Variants in SSH2 observed in about 807,000 individuals in gnomAD.
The protein encoded by SSH2 is protein phosphatase Slingshot homolog 2.
A neutral mutation model predicts 135.2 loss-of-function variants in SSH2; 37 were observed. The observed-to-expected ratio is 0.27, with a 90% CI of 0.21 to 0.36. The LOEUF (loss-of-function observed/expected upper bound fraction) is 0.36. SSH2 is among the 10% of genes least tolerant of loss of function. The probability of loss-of-function intolerance (pLI) is 1.00; values close to 1 mark genes in which losing one functional copy is unlikely to be tolerated. For missense variants in SSH2, 1,408 were observed against 1,765.3 expected (o/e 0.80, Z 3.63); for synonymous variants, 628 against 646.2 (o/e 0.97, Z 0.43).
intron 11 of SSH2, among the ~76,000 whole-genome samples, chr17:29,661,846 T>C (rs2037057449): frequency 6.6e-6 from 1 of 152,148 alleles, no homozygotes; most frequent in African/African-American, 2.4e-5. Context: ...CATTGGCAAA[T>C]AAATTAAAGG....
intron 5 of SSH2, among the ~76,000 whole-genome samples, chr17:29,688,412 A>G (rs1430842226): frequency 6.6e-6 from 1 of 152,178 alleles, no homozygotes; most frequent in Admixed American, 6.5e-5. Context: ...CCTAATGAGA[A>G]GGGCCCCAGA....
intron 1 of SSH2, among the ~76,000 whole-genome samples, chr17:29,892,596 T>C (rs1180208896): frequency 6.6e-6 from 1 of 152,146 alleles, no homozygotes; most frequent in Admixed American, 6.6e-5. Flanking sequence ...CTCATTAACA[T>C]TGTCTCGACC....
At position 29,636,410 on chromosome 17, in the gene SSH2, C is replaced by A; in HGVS notation, c.1820G>T (p.Gly607Val). 1 of 1,614,144 alleles carries A rather than the reference C, an allele frequency of 6.2e-7. No homozygotes were observed. Among genetic ancestry groups the A allele is most frequent in the Non-Finnish European group, 8.5e-7 (1 of 1,180,036 alleles). Residue 607 changes from glycine to valine, a missense_variant, in exon 15 of 16, where the codon GGA becomes GTA. This residue lies in a region of SSH2 where 1,080 missense variants were observed against 1,144.5 expected (regional missense o/e 0.94). Transcript: ENST00000540801. ...CTTGTTGGCCATTTCTGGGACATGT[C>A]CAGGCTGAATTAAGGCTTTGGATGC... ...CHASKALIQP[G>V]HVPEMANKFP...
intron 3 of SSH2, among the ~76,000 whole-genome samples, chr17:29,741,556 T>C (rs1037382324): frequency 6.6e-6 from 1 of 151,674 alleles, no homozygotes; most frequent in Non-Finnish European, 1.5e-5. Context: ...GTTCTCAATA[T>C]GCTGAAATGA....
chr17:29,786,892 C>G (rs908214804), intron 3 of SSH2, among the ~76,000 whole-genome samples: 2 of 152,142 alleles, frequency 1.3e-5, no homozygotes, highest in South Asian at 2.1e-4. Context: ...TCGCTGCACT[C>G]CCGCCTGTGT....
At chr17:29,714,987 C>T (rs772774064) in intron 3 of SSH2, among the ~76,000 whole-genome samples, 1 of 152,130 alleles carries the variant, frequency 6.6e-6, no homozygotes, top group Non-Finnish European at 1.5e-5. Context: ...CTGCCTCAGC[C>T]TCCAGAGTAG....
chr17:29,797,816 A>C (rs2042183543), intron 2 of SSH2, among the ~76,000 whole-genome samples: 1 of 152,204 alleles, frequency 6.6e-6, no homozygotes, highest in Non-Finnish European at 1.5e-5. Flanking sequence ...TGAGTCCAGA[A>C]GTTTGAAGTT....
At chr17:29,907,869 G>C (rs983847688) in intron 1 of SSH2, among the ~76,000 whole-genome samples, 2 of 146,800 alleles carry the variant, frequency 1.4e-5, no homozygotes, top group Non-Finnish European at 3.0e-5. Flanking sequence ...CCCAGGATCT[G>C]GGTTTCAGTG....
chr17:29,801,194 A>G (rs1260481946), intron 2 of SSH2, among the ~76,000 whole-genome samples: 1 of 152,204 alleles, frequency 6.6e-6, no homozygotes, highest in Non-Finnish European at 1.5e-5. Context: ...AGATTAATGC[A>G]TTCTTATTAA....
chr17:29,653,711 T>C (rs1268346019), intron 12 of SSH2, among the ~76,000 whole-genome samples: 1 of 152,074 alleles, frequency 6.6e-6, no homozygotes, highest in Non-Finnish European at 1.5e-5. Flanking sequence ...CTCAGCCACC[T>C]GAGTAGCTGG....
At chr17:29,893,130 T>C (rs1313464091) in intron 1 of SSH2, among the ~76,000 whole-genome samples, 3 of 152,112 alleles carry the variant, frequency 2.0e-5, no homozygotes, top group Non-Finnish European at 4.4e-5. Flanking sequence ...CAATGGACTT[T>C]CTACTCTTCC....
chr17:29,795,609 T>A (rs1048601941), intron 2 of SSH2, among the ~76,000 whole-genome samples: 3 of 152,184 alleles, frequency 2.0e-5, no homozygotes, highest in Non-Finnish European at 4.4e-5. Flanking sequence ...TAAACAAATG[T>A]AAATGTTAGA....
At chr17:29,747,497 C>T (rs183146931) in intron 3 of SSH2, among the ~76,000 whole-genome samples, 8 of 152,264 alleles carry the variant, frequency 5.3e-5, no homozygotes, top group Admixed American at 3.3e-4. Context: ...CTTTGGTGTG[C>T]AACAAGAACA....
chr17:29,678,713 CT>C (rs55889704), intron 6 of SSH2, among the ~76,000 whole-genome samples: 1 of 112,070 alleles, frequency 8.9e-6, no homozygotes. Context: ...AATACTATTT[CT>C]TTTTTTTTTT....
chr17:29,648,101 G>A, intron 14 of SSH2, 43 bp downstream of exon 14: 1 of 1,576,714 alleles, frequency 6.3e-7, no homozygotes, highest in Non-Finnish European at 8.7e-7. Flanking sequence ...CTTGCTTTAG[G>A]GAACTTAAAA....
At chr17:29,761,403 GC>G (rs1398853032) in intron 3 of SSH2, 2 of 1,061,218 alleles carry the variant, frequency 1.9e-6, no homozygotes, top group Non-Finnish European at 2.3e-6. Flanking sequence ...AGCCGCCGAA[GC>G]CCCAGGGCTC....
chr17:29,761,341 G>C (rs2041294142), intron 3 of SSH2: 3 of 1,092,160 alleles, frequency 2.7e-6, no homozygotes, highest in South Asian at 3.9e-5. Flanking sequence ...ACGAGGCGCA[G>C]GCTGCGCGTG....
intron 3 of SSH2, among the ~76,000 whole-genome samples, chr17:29,741,891 A>G (rs1407351707): frequency 1.3e-5 from 2 of 149,492 alleles, no homozygotes; most frequent in Non-Finnish European, 3.0e-5. Flanking sequence ...TTGGGATTAC[A>G]GGAGTGAGCC....
At chr17:29,865,430 G>A (rs1335611911) in intron 1 of SSH2, among the ~76,000 whole-genome samples, 1 of 152,210 alleles carries the variant, frequency 6.6e-6, no homozygotes, top group African/African-American at 2.4e-5. Flanking sequence ...TAAAGAGGGA[G>A]GACTTGGGAT....
Sources: allele counts gnomAD v4.1 joint callset (sites outside exome capture counted in the v4.1 genomes callset), GRCh38; gene constraint gnomAD v4.1.1; regional missense constraint gnomAD v4.1.1; transcripts MANE v1.5; gene names NCBI Gene and HGNC (gene_info 2026-07-23, HGNC 2026-07-21).